HERC6: variants seen among roughly 807,000 people sequenced by gnomAD.
HERC6 encodes HECT and RLD domain containing E3 ubiquitin protein ligase family member 6.
A neutral mutation model predicts 114.5 loss-of-function variants in HERC6; 101 were observed. That is an observed-to-expected ratio of 0.88 (90% CI 0.75 to 1.04). HERC6 has a LOEUF of 1.04. HERC6 is among the 50% of genes least tolerant of loss of function. The pLI is 0.00. For synonymous variants in HERC6, 408 were observed against 436.2 expected (o/e 0.94, Z 0.81); for missense variants, 1,133 against 1,230.9 (o/e 0.92, Z 1.19).
intron 3 of HERC6, 59 bp from the exon 4 acceptor site, chr4:88,390,593 C>A: frequency 1.4e-6 from 2 of 1,383,080 alleles, no homozygotes; most frequent in Non-Finnish European, 2.0e-6. Flanking sequence ...TTAGTAGTTT[C>A]TATTTGAATT....
rs755304187 is a variant in HERC6 at position 88,435,906 on chromosome 4, C to T, written c.2417+15C>T. On this transcript the variant is annotated intron_variant, in intron 18 of 22. Transcript: ENST00000264346. ...CGGTTGGGGAAGTAAGTAAATATAA[C>T]GTTTTTTCAGGACCGTATCTAGTAA... The T allele has an allele frequency of 1.8e-5, 29 of 1,586,206 alleles. No individual in the cohort carries two copies. The highest frequency in any genetic ancestry group is 9.3e-5 in the South Asian group (8 of 86,416).
At chr4:88,429,744 C>A (rs1255456652) in intron 16 of HERC6, among the ~76,000 whole-genome samples, 1 of 152,160 alleles carries the variant, frequency 6.6e-6, no homozygotes, top group South Asian at 2.1e-4. Flanking sequence ...CAGCATGTGA[C>A]TCCAATGGAA....
intron 10 of HERC6, among the ~76,000 whole-genome samples, chr4:88,406,702 T>A (rs147827954): frequency 1.6e-3 from 251 of 152,332 alleles, no homozygotes; most frequent in African/African-American, 5.6e-3. Context: ...AGCCCTAATG[T>A]TACTATAAAT....
intron 4 of HERC6, among the ~76,000 whole-genome samples, chr4:88,393,031 A>C (rs769345525): frequency 7.9e-4 from 120 of 152,352 alleles, no homozygotes; most frequent in Non-Finnish European, 1.4e-3. Context: ...TTGTTCTTTG[A>C]GAGCCTCTCT....
chr4:88,379,190 C>T (rs1734028767), intron 1 of HERC6, 70 bp downstream of exon 1: 11 of 1,248,404 alleles, frequency 8.8e-6, no homozygotes, highest in Non-Finnish European at 1.1e-5. Flanking sequence ...GGGTACCGGG[C>T]GCAGGGAACC....
At chr4:88,407,051 G>A (rs1200188575) in intron 10 of HERC6, among the ~76,000 whole-genome samples, 13 of 151,138 alleles carry the variant, frequency 8.6e-5, no homozygotes, top group South Asian at 2.1e-4. Flanking sequence ...GAGCCACCGC[G>A]CCCAGCCTCT....
In HERC6 at chr4:88,435,819, C is replaced by T. The variant is rs373128987; in HGVS notation, c.2345C>T (p.Ala782Val). 4 of 1,612,318 alleles carry T rather than the reference C, an allele frequency of 2.5e-6. No individual in the cohort carries two copies. Among genetic ancestry groups the T allele is most frequent in the Non-Finnish European group, 3.4e-6 (4 of 1,179,056 alleles). ...LNVANLPFPL[A>V]LYKKLLDQKP... ...GTTGCTAACCTTCCTTTCCCACTGG[C>T]TCTGTATAAAAAACTTCTGGACCAA... The change falls in exon 18 of 23, where the codon GCT becomes GTT. Residue 782 changes from alanine to valine, a missense_variant. Physicochemically the swap from Ala to Val is moderately conservative, Grantham distance 64. Around this residue, in one of 3 missense-constraint regions of HERC6, gnomAD observed 388 missense variants for 445.9 expected, o/e 0.87. Transcript: ENST00000264346.
chr4:88,405,019 T>G (rs1335140454), intron 9 of HERC6, 22 bp downstream of exon 9: 2 of 1,609,696 alleles, frequency 1.2e-6, no homozygotes, highest in African/African-American at 1.3e-5. Context: ...TGATAAATTA[T>G]AAGCCACTTT....
intron 19 of HERC6, 43 bp from the exon 20 acceptor site, chr4:88,437,668 A>G: frequency 3.1e-6 from 4 of 1,274,160 alleles, no homozygotes; most frequent in Admixed American, 1.9e-5. Flanking sequence ...TGATTATTCA[A>G]ACTTACTTTG....
chr4:88,435,546 A>G (rs1488475469), intron 17 of HERC6, among the ~76,000 whole-genome samples, 179 bp from the exon 18 acceptor site: 1 of 152,232 alleles, frequency 6.6e-6, no homozygotes, highest in Non-Finnish European at 1.5e-5. Context: ...AAATTATGGA[A>G]GAAATTTAAT....
intron 3 of HERC6, 141 bp downstream of exon 3, chr4:88,385,716 T>C (rs1284145477): frequency 1.8e-6 from 1 of 571,350 alleles, no homozygotes; most frequent in African/African-American, 1.9e-5. Flanking sequence ...GTTTTCCTAT[T>C]TTTTTCTCAA....
In HERC6 at chr4:88,442,350, A is replaced by G; in HGVS notation, c.2959A>G (p.Asn987Asp). The G allele has an allele frequency of 6.2e-7, 1 of 1,613,724 alleles. No homozygotes were observed. The highest frequency in any genetic ancestry group is 8.5e-7 in the Non-Finnish European group (1 of 1,179,774). The change falls in exon 23 of 23, where the codon AAT (asparagine) becomes GAT (aspartate). Residue 987 changes from asparagine (N) to aspartate (D), a missense_variant. By Grantham distance (23) the Asn-to-Asp change is conservative (BLOSUM62 1). Around this residue, in one of 3 missense-constraint regions of HERC6, gnomAD observed 388 missense variants for 445.9 expected, o/e 0.87. Transcript: ENST00000264346. ...RDHPTSITCH[N>D]ILSLPKYSTM... Reference sequence around the variant, plus strand: ...TCACCCAACATCAATAACTTGTCATAATATTCTCTCCCTCCCTAAGTATTC... The same window carrying G: ...TCACCCAACATCAATAACTTGTCATGATATTCTCTCCCTCCCTAAGTATTC...
intron 8 of HERC6, 99 bp from the exon 9 acceptor site, chr4:88,404,777 G>T: frequency 1.4e-6 from 2 of 1,451,056 alleles, no homozygotes; most frequent in Admixed American, 2.2e-5. Context: ...ACCCAAGAGG[G>T]CAGGGCCTAT....
chr4:88,379,161 T>C (rs762792098), intron 1 of HERC6, 41 bp downstream of exon 1: 1 of 1,443,882 alleles, frequency 6.9e-7, no homozygotes, highest in South Asian at 1.3e-5. Context: ...AGGACCCCAG[T>C]ACATGGGCGC....
In HERC6 at chr4:88,417,421, C is replaced by T. The variant is rs1282069691; in HGVS notation, c.1559-4C>T. On this transcript the variant is annotated splice_polypyrimidine_tract_variant and splice_region_variant and intron_variant, in intron 12 of 22. Transcript: ENST00000264346. ...ATTTATCATGGCTAATTTTACACCC[C>T]CAGAGAAGTGTTGGGCATTTTTGCA... 6.2e-7 allele frequency: 1 copy of T among 1,606,730 alleles called. No individual in the cohort carries two copies.
chr4:88,418,029 A>G (rs1406646597), intron 13 of HERC6, among the ~76,000 whole-genome samples: 2 of 152,172 alleles, frequency 1.3e-5, no homozygotes, highest in Non-Finnish European at 2.9e-5. Flanking sequence ...TCATCAACAC[A>G]GTGATAAGCA....
Position 88,442,287 on chromosome 4 carries a change from A to G in HERC6, c.2896A>G (p.Ile966Val). 1 of 1,613,744 alleles carries G rather than the reference A, an allele frequency of 6.2e-7. No individual in the cohort carries two copies. ...LHARGIQKME[I>V]VFRCPETFSE... ...TGCAAGAGGCATACAGAAAATGGAA[A>G]TAGTATTTCGCTGTCCTGAAACTTT... is the stretch of plus-strand genomic sequence containing the variant. Residue 966 changes from isoleucine (I) to valine (V), a missense_variant, in exon 23 of 23, where the codon ATA becomes GTA. Physicochemically the swap from Ile to Val is conservative, Grantham distance 29. Around this residue, in one of 3 missense-constraint regions of HERC6, gnomAD observed 388 missense variants for 445.9 expected, o/e 0.87. Coordinates refer to ENST00000264346, the MANE Select transcript of HERC6 (RefSeq NM_017912.4).
intron 1 of HERC6, among the ~76,000 whole-genome samples, chr4:88,379,589 G>A (rs939055028): frequency 7.0e-6 from 1 of 142,044 alleles, no homozygotes; most frequent in Non-Finnish European, 1.5e-5. Flanking sequence ...TCAGACACCT[G>A]TATCTCCCTT....
chr4:88,394,475 A>G (rs1211676852), intron 5 of HERC6, among the ~76,000 whole-genome samples: 3 of 108,532 alleles, frequency 2.8e-5, no homozygotes, highest in Non-Finnish European at 5.7e-5. Context: ...TCTCCTGTCC[A>G]AAAAAAAAAA....
Sources: gnomAD v4.1 joint callset for allele counts (sites outside exome capture counted in the v4.1 genomes callset) on GRCh38, gnomAD v4.1.1 for gene constraint, gnomAD v4.1.1 regional missense constraint, MANE v1.5 for transcripts, NCBI Gene and HGNC (gene_info 2026-07-23, HGNC 2026-07-21) for gene names.